Variants in UVRAG observed in about 807,000 individuals in gnomAD.
The protein encoded by UVRAG is UV radiation resistance-associated gene protein.
A neutral mutation model predicts 78.0 loss-of-function variants in UVRAG; 19 were observed. The ratio of observed to expected loss-of-function variants is 0.24; its 90% CI spans 0.17 to 0.36. UVRAG has a LOEUF of 0.36. UVRAG is among the 10% of genes least tolerant of loss of function. UVRAG has a pLI of 1.00. For missense variants in UVRAG, 740 were observed against 853.8 expected, an observed-to-expected ratio of 0.87 and a Z score of 1.66; for synonymous variants, 323 against 324.6, an observed-to-expected ratio of 1.00 and a Z score of 0.05.
intron 5 of UVRAG, among the ~76,000 whole-genome samples, chr11:75,894,559 G>T (rs1418954219): frequency 3.9e-5 from 6 of 151,936 alleles, no homozygotes; most frequent in African/African-American, 1.4e-4. Flanking sequence ...AGGATACCTA[G>T]TAAAGGCTAA....
At chr11:76,000,282 T>C (rs1199183891) in intron 8 of UVRAG, among the ~76,000 whole-genome samples, 4 of 152,196 alleles carry the variant, frequency 2.6e-5, no homozygotes, top group African/African-American at 9.6e-5. Context: ...ATAAATACTA[T>C]CTACAAGAAA....
chr11:75,979,655 T>TGGGCGTGGGACCCTCTGAGCC (rs1949345510), intron 7 of UVRAG: 1 of 153,500 alleles, frequency 6.5e-6, no homozygotes, highest in Non-Finnish European at 1.4e-5. Context: ...CAAGGCTCCG[T>TGGGCGTGGGACCCTCTGAGCC]GGGCGTGGGA....
chr11:75,994,245 C>G (rs189395020), intron 8 of UVRAG, among the ~76,000 whole-genome samples: 2 of 152,284 alleles, frequency 1.3e-5, no homozygotes, highest in African/African-American at 4.8e-5. Context: ...CAATTACTTT[C>G]TTGATAATAA....
chr11:76,139,185 A>G (rs2134514976), intron 14 of UVRAG, among the ~76,000 whole-genome samples: 1 of 152,256 alleles, frequency 6.6e-6, no homozygotes, highest in Middle Eastern at 3.4e-3. Context: ...CCCCTTCCCA[A>G]GAATAACCCT....
chr11:76,041,296 A>C (rs1591166933), intron 12 of UVRAG, among the ~76,000 whole-genome samples: 1 of 152,176 alleles, frequency 6.6e-6, no homozygotes, highest in Non-Finnish European at 1.5e-5. Flanking sequence ...AAAAGTCACT[A>C]CCCCAGCCCT....
At chr11:75,832,773 A>C (rs1252669999) in intron 1 of UVRAG, among the ~76,000 whole-genome samples, 1 of 152,072 alleles carries the variant, frequency 6.6e-6, no homozygotes, top group Non-Finnish European at 1.5e-5. Flanking sequence ...TCTCTGAGGG[A>C]CTCCCAGCCA....
Position 76,141,549 on chromosome 11 carries a change from G to C in UVRAG, c.*136G>C. On this transcript the variant is annotated 3_prime_UTR_variant, in exon 15 of 15. Transcript: ENST00000356136. ...TATTCCTCGGAAAAACAGACTTTGG[G>C]AATGAAGGAGGGACTCAGGATCATT... 1 of 918,490 alleles carries C rather than the reference G, an allele frequency of 1.1e-6. No individual in the cohort carries two copies. The highest frequency in any genetic ancestry group is 2.8e-5 in the Admixed American group (1 of 35,088). 56.9% of individuals were successfully genotyped at this position (918,490 alleles called of 1,614,324 possible).
intron 13 of UVRAG, among the ~76,000 whole-genome samples, chr11:76,113,654 T>C (rs1009340478): frequency 1.3e-5 from 2 of 152,136 alleles, no homozygotes; most frequent in Non-Finnish European, 2.9e-5. Context: ...TGTGGAAAAT[T>C]AAAAGGGTAA....
At chr11:75,899,976 A>T (rs1947452179) in intron 5 of UVRAG, among the ~76,000 whole-genome samples, 1 of 152,166 alleles carries the variant, frequency 6.6e-6, no homozygotes, top group African/African-American at 2.4e-5. Flanking sequence ...ATTCATATTT[A>T]TAAACCCTGC....
chr11:75,887,389 G>C (rs1164072922), intron 4 of UVRAG, among the ~76,000 whole-genome samples: 4 of 149,614 alleles, frequency 2.7e-5, no homozygotes, highest in Non-Finnish European at 5.9e-5. Context: ...CAAGTGATCC[G>C]CCGCCTTGGC....
chr11:75,866,381 A>T (rs965464940), intron 3 of UVRAG, among the ~76,000 whole-genome samples: 3 of 141,336 alleles, frequency 2.1e-5, no homozygotes, highest in African/African-American at 5.5e-5. Context: ...ATAAATAAAT[A>T]AAATAAAATA....
chr11:75,861,038 T>C (rs1946411058), intron 2 of UVRAG, among the ~76,000 whole-genome samples: 2 of 152,166 alleles, frequency 1.3e-5, no homozygotes, highest in South Asian at 4.1e-4. Context: ...AGAGGGAATA[T>C]TGGAAGGTTT....
At chr11:75,817,411 T>G (rs539493618) in intron 1 of UVRAG, among the ~76,000 whole-genome samples, 1 of 152,308 alleles carries the variant, frequency 6.6e-6, no homozygotes, top group East Asian at 1.9e-4. Flanking sequence ...CCTCATTTGT[T>G]AGTGTTTGTG....
chr11:75,877,093 A>T (rs1014733796), intron 3 of UVRAG, among the ~76,000 whole-genome samples: 1 of 151,552 alleles, frequency 6.6e-6, no homozygotes. Context: ...AACAAAGCAC[A>T]TCTTGCACCG....
chr11:75,943,864 CAG>C lies in UVRAG; in HGVS notation c.594-17577_594-17576del, dbSNP rs892481572. Reference sequence around the variant, plus strand: ...TTCCCAACTATGTGCATGGTCTAGACAGAGGAATGTAGAAGCAGGCTTTTGGG... The same window carrying C: ...TTCCCAACTATGTGCATGGTCTAGACAGGAATGTAGAAGCAGGCTTTTGGG... On this transcript the variant is annotated intron_variant, in intron 6 of 14. Transcript: ENST00000356136. 3.3e-5 allele frequency among the ~76,000 whole-genome samples: 5 copies of C among 152,128 alleles called. No individual in the cohort carries two copies. The East Asian group carries it at 9.6e-4, about 29-fold the overall frequency.
At chr11:76,108,809 C>A (rs1156683444) in intron 13 of UVRAG, among the ~76,000 whole-genome samples, 2 of 152,138 alleles carry the variant, frequency 1.3e-5, no homozygotes, top group Non-Finnish European at 2.9e-5. Context: ...TGCTACCAGA[C>A]AATACAGTTT....
intron 7 of UVRAG, among the ~76,000 whole-genome samples, chr11:75,971,088 A>C (rs961269230): frequency 3.3e-5 from 5 of 152,122 alleles, no homozygotes; most frequent in Non-Finnish European, 2.9e-5. Context: ...CCATGATTTC[A>C]TATAGTAGGA....
intron 9 of UVRAG, among the ~76,000 whole-genome samples, chr11:76,004,944 T>A (rs866616011): frequency 6.6e-6 from 1 of 152,202 alleles, no homozygotes; most frequent in African/African-American, 2.4e-5. Context: ...AACATATGCT[T>A]AATTCGTTGG....
intron 2 of UVRAG, among the ~76,000 whole-genome samples, chr11:75,856,787 G>T (rs930244829): frequency 6.6e-6 from 1 of 152,128 alleles, no homozygotes; most frequent in Non-Finnish European, 1.5e-5. Flanking sequence ...CCTTTCCTCT[G>T]AACTCATACC....
Sources: allele counts gnomAD v4.1 joint callset (sites outside exome capture counted in the v4.1 genomes callset), GRCh38; gene constraint gnomAD v4.1.1; transcripts MANE v1.5; gene names NCBI Gene and HGNC (gene_info 2026-07-23, HGNC 2026-07-21).